RYR2: variants seen among roughly 807,000 people sequenced by gnomAD.
RYR2 encodes the protein cardiac muscle ryanodine receptor-calcium release channel.
In RYR2, 227 loss-of-function variants were observed where a neutral mutation model predicts 601.1. The ratio of observed to expected loss-of-function variants is 0.38; its 90% confidence interval spans 0.34 to 0.42. RYR2 has a LOEUF of 0.42. Ranked by LOEUF, RYR2 falls within the 10% of genes least tolerant of loss-of-function variation. The pLI is 1.00. For synonymous variants in RYR2, 2,223 were observed against 2,175.1 expected, an observed-to-expected ratio of 1.02 and a Z score of -0.61; for missense variants, 4,646 against 6,156.5, an observed-to-expected ratio of 0.75 and a Z score of 8.21.
chr1:237,100,906 G>A (rs1017679429), intron 1 of RYR2, among the ~76,000 whole-genome samples: 17 of 151,832 alleles, frequency 1.1e-4, no homozygotes, highest in Admixed American at 9.2e-4. Flanking sequence ...CATCTGTCCC[G>A]GCCCCAGAGC....
chr1:237,548,532 C>T lies in RYR2; in HGVS notation c.3008C>T (p.Ala1003Val), dbSNP rs1359872555. Reference sequence around the variant, plus strand: ...ATGGTGGACAAGTTGGCAGAAAATGCACATAATGTGTGGGCGCGGGATCGA... The same window carrying T: ...ATGGTGGACAAGTTGGCAGAAAATGTACATAATGTGTGGGCGCGGGATCGA... ...EAMVDKLAEN[A>V]HNVWARDRIR... Residue 1003 changes from alanine (A) to valine (V), a missense_variant, in exon 26 of 105, where the codon GCA becomes GTA. By Grantham distance (64) the Ala-to-Val change is moderately conservative. This residue lies in a region of RYR2 where 1,807 missense variants were observed against 2,088.1 expected (regional missense o/e 0.87). Transcript: ENST00000366574. 6.2e-7 allele frequency: 1 copy of T among 1,613,990 alleles called. No individual in the cohort carries two copies. The highest frequency in any genetic ancestry group is 1.7e-5 in the Admixed American group (1 of 60,018).
At chr1:237,218,592 T>C (rs1000766373) in intron 1 of RYR2, among the ~76,000 whole-genome samples, 14 of 152,188 alleles carry the variant, frequency 9.2e-5, no homozygotes, top group African/African-American at 3.4e-4. Flanking sequence ...CTTTCAACTT[T>C]AGTGAAATCT....
At chr1:237,189,884 T>A (rs945223180) in intron 1 of RYR2, among the ~76,000 whole-genome samples, 2 of 151,256 alleles carry the variant, frequency 1.3e-5, no homozygotes, top group African/African-American at 2.4e-5. Context: ...TTTTTATTTT[T>A]TTTTTTGAGA....
At chr1:237,589,217 G>C (rs1674875456) in intron 29 of RYR2, among the ~76,000 whole-genome samples, 1 of 151,854 alleles carries the variant, frequency 6.6e-6, no homozygotes, top group Non-Finnish European at 1.5e-5. Flanking sequence ...GTTTATTCCA[G>C]AAAAAAAGCA....
chr1:237,707,795 G>C (rs905912085), intron 68 of RYR2, among the ~76,000 whole-genome samples: 1 of 152,108 alleles, frequency 6.6e-6, no homozygotes, highest in African/African-American at 2.4e-5. Context: ...TTATGAGATG[G>C]AGTTTCACTC....
chr1:237,574,444 G>A (rs574209571), intron 29 of RYR2, among the ~76,000 whole-genome samples: 4 of 152,314 alleles, frequency 2.6e-5, no homozygotes, highest in Non-Finnish European at 5.9e-5. Context: ...CTCCTCTTGA[G>A]TGTCAGCAGA....
At chr1:237,071,230 T>G (rs892911706) in intron 1 of RYR2, among the ~76,000 whole-genome samples, 3 of 145,922 alleles carry the variant, frequency 2.1e-5, no homozygotes, top group African/African-American at 5.0e-5. Context: ...TTGATTTTTG[T>G]TTTTTTTTTT....
chr1:237,171,014 C>A (rs1205241541), intron 1 of RYR2, among the ~76,000 whole-genome samples: 1 of 152,060 alleles, frequency 6.6e-6, no homozygotes, highest in East Asian at 1.9e-4. Flanking sequence ...AGATTCTCCC[C>A]ATGAGGTCGG....
intron 27 of RYR2, among the ~76,000 whole-genome samples, chr1:237,553,991 G>A (rs183571209): frequency 1.3e-5 from 2 of 151,808 alleles, no homozygotes; most frequent in Admixed American, 6.6e-5. Context: ...TTTACAATTG[G>A]TATAGCTTTT....
intron 2 of RYR2, among the ~76,000 whole-genome samples, chr1:237,316,091 A>G (rs779549888): frequency 1.3e-5 from 2 of 152,164 alleles, no homozygotes; most frequent in East Asian, 1.9e-4. Flanking sequence ...AGGTGTGACG[A>G]TTAGGAACAT....
intron 38 of RYR2, among the ~76,000 whole-genome samples, chr1:237,621,352 T>C (rs1404948487): frequency 1.3e-5 from 2 of 151,990 alleles, no homozygotes; most frequent in African/African-American, 4.8e-5. Context: ...TTCAAGAATT[T>C]TGAAAACAAA....
chr1:237,405,168 G>T (rs1383949428), intron 10 of RYR2, among the ~76,000 whole-genome samples: 2 of 152,198 alleles, frequency 1.3e-5, no homozygotes, highest in Non-Finnish European at 2.9e-5. Context: ...CATTCTGTGT[G>T]ACATCACCTT....
intron 94 of RYR2, 136 bp from the exon 95 acceptor site, chr1:237,793,731 C>A (rs1405792419): frequency 2.9e-6 from 2 of 678,316 alleles, no homozygotes; most frequent in South Asian, 3.9e-5. Context: ...ATAGCTGATT[C>A]ATTTTCATTC....
intron 1 of RYR2, among the ~76,000 whole-genome samples, chr1:237,148,838 C>A (rs1674373070): frequency 6.6e-6 from 1 of 151,896 alleles, no homozygotes; most frequent in African/African-American, 2.4e-5. Flanking sequence ...ATACTAAGAC[C>A]TTTGTGATTT....
intron 89 of RYR2, among the ~76,000 whole-genome samples, chr1:237,783,161 C>G (rs533654985): frequency 6.6e-6 from 1 of 151,232 alleles, no homozygotes; most frequent in Admixed American, 6.6e-5. Flanking sequence ...GTCTGAAGAC[C>G]TGGCACTAAC....
At chr1:237,058,657 C>T (rs978755820) in intron 1 of RYR2, among the ~76,000 whole-genome samples, 1 of 152,160 alleles carries the variant, frequency 6.6e-6, no homozygotes, top group Non-Finnish European at 1.5e-5. Flanking sequence ...TGGCTCACAC[C>T]TGTAATCCCA....
At chr1:237,800,685 G>C (rs1215180182) in intron 97 of RYR2, among the ~76,000 whole-genome samples, 1 of 152,084 alleles carries the variant, frequency 6.6e-6, no homozygotes, top group Admixed American at 6.5e-5. Context: ...GGAAAGGCTG[G>C]GAAAGTTACA....
At chr1:237,697,724 G>T (rs187094696) in intron 63 of RYR2, among the ~76,000 whole-genome samples, 3 of 150,910 alleles carry the variant, frequency 2.0e-5, no homozygotes, top group Non-Finnish European at 2.9e-5. Flanking sequence ...TTTGTTAAGT[G>T]AATTAATCAT....
intron 5 of RYR2, among the ~76,000 whole-genome samples, chr1:237,366,810 G>T (rs1342518408): frequency 6.6e-6 from 1 of 151,628 alleles, no homozygotes; most frequent in East Asian, 1.9e-4. Context: ...AAAACATTTT[G>T]TTTTGACTAG....
Sources: allele counts gnomAD v4.1 joint callset (sites outside exome capture counted in the v4.1 genomes callset), GRCh38; gene constraint gnomAD v4.1.1; regional missense constraint gnomAD v4.1.1; transcripts MANE v1.5; gene names NCBI Gene and HGNC (gene_info 2026-07-23, HGNC 2026-07-21).